Variants in NELL1 observed in about 807,000 individuals in gnomAD.
The protein encoded by NELL1 is neural EGFL like 1.
NELL1 carries 76 observed loss-of-function variants against 107.4 expected under a neutral mutation model. The observed-to-expected ratio is 0.71, with a 90% CI of 0.59 to 0.86. NELL1 has a LOEUF of 0.86. NELL1 is among the 40% of genes least tolerant of loss of function. NELL1 has a pLI of 0.00. For missense variants in NELL1, 1,024 were observed against 1,005.5 expected, an observed-to-expected ratio of 1.02 and a Z score of -0.25; for synonymous variants, 353 against 341.2, an observed-to-expected ratio of 1.03 and a Z score of -0.38.
intron 15 of NELL1, among the ~76,000 whole-genome samples, chr11:21,444,120 A>G (rs1419799922): frequency 6.6e-6 from 1 of 152,168 alleles, no homozygotes; most frequent in African/African-American, 2.4e-5. Flanking sequence ...ATTAAAAATG[A>G]GATTATACTC....
chr11:20,824,069 T>TGG (rs1857819673), intron 3 of NELL1, among the ~76,000 whole-genome samples: 1 of 151,140 alleles, frequency 6.6e-6, no homozygotes, highest in South Asian at 2.1e-4. Context: ...AGGGACCTGG[T>TGG]GGGAGGTGAT....
At chr11:21,002,609 C>T (rs1407197965) in intron 12 of NELL1, among the ~76,000 whole-genome samples, 1 of 152,180 alleles carries the variant, frequency 6.6e-6, no homozygotes, top group East Asian at 1.9e-4. Context: ...TACATTCCAT[C>T]CAACAACAGT....
chr11:20,954,121 T>C (rs1851121372), intron 11 of NELL1, among the ~76,000 whole-genome samples: 1 of 152,232 alleles, frequency 6.6e-6, no homozygotes, highest in Non-Finnish European at 1.5e-5. Flanking sequence ...AAAATGGGGA[T>C]AATAATTCAG....
chr11:21,418,239 C>T (rs563374670), intron 15 of NELL1, among the ~76,000 whole-genome samples: 5 of 152,002 alleles, frequency 3.3e-5, no homozygotes, highest in South Asian at 2.1e-4. Flanking sequence ...ATGAAGCTGT[C>T]GTGCAGATGA....
intron 12 of NELL1, among the ~76,000 whole-genome samples, chr11:21,068,032 CAAAAAAAAAAAAA>C (rs1195285619): frequency 2.5e-5 from 1 of 40,382 alleles, no homozygotes. Context: ...GATGCCATCT[CAAAAAAAAAAAAA>C]AAAAAAAAAA....
chr11:20,809,165 G>T (rs1188408086), intron 3 of NELL1, among the ~76,000 whole-genome samples: 5 of 152,132 alleles, frequency 3.3e-5, no homozygotes, highest in Non-Finnish European at 5.9e-5. Flanking sequence ...TGTTGGTGAA[G>T]TGTTTTTGTT....
At chr11:20,988,269 T>C (rs1465343094) in intron 12 of NELL1, among the ~76,000 whole-genome samples, 1 of 152,136 alleles carries the variant, frequency 6.6e-6, no homozygotes, top group East Asian at 1.9e-4. Flanking sequence ...CAGAATTGAA[T>C]GACCTATCAT....
At chr11:21,279,151 A>G (rs1444919019) in intron 14 of NELL1, among the ~76,000 whole-genome samples, 1 of 152,326 alleles carries the variant, frequency 6.6e-6, no homozygotes, top group Non-Finnish European at 1.5e-5. Flanking sequence ...ATAAATGGTA[A>G]TGAAAATGAA....
intron 14 of NELL1, among the ~76,000 whole-genome samples, chr11:21,299,538 T>C (rs1200991778): frequency 1.3e-5 from 2 of 150,866 alleles, no homozygotes; most frequent in East Asian, 1.9e-4. Context: ...TGTGTGTGTG[T>C]GTGTGTGTGT....
intron 15 of NELL1, among the ~76,000 whole-genome samples, chr11:21,373,492 A>G (rs1384470620): frequency 6.6e-6 from 1 of 152,116 alleles, no homozygotes; most frequent in African/African-American, 2.4e-5. Context: ...TTTGAGCTAT[A>G]TAGAATCCAC....
chr11:21,019,839 G>A (rs1008727087), intron 12 of NELL1, among the ~76,000 whole-genome samples: 1 of 152,070 alleles, frequency 6.6e-6, no homozygotes, highest in African/African-American at 2.4e-5. Flanking sequence ...GCTTAGCTTA[G>A]CCCCTGGGCC....
chr11:21,232,798 G>A (rs1858098390), intron 14 of NELL1, among the ~76,000 whole-genome samples: 1 of 152,072 alleles, frequency 6.6e-6, no homozygotes. Context: ...GGTTGCAGAT[G>A]TGCCCCACCA....
intron 13 of NELL1, among the ~76,000 whole-genome samples, chr11:21,169,396 T>G (rs1264011723): frequency 6.6e-6 from 1 of 151,816 alleles, no homozygotes; most frequent in Non-Finnish European, 1.5e-5. Context: ...GGTAACCATG[T>G]TTCTCATTTT....
intron 13 of NELL1, among the ~76,000 whole-genome samples, chr11:21,179,470 T>A (rs1375735397): frequency 6.6e-6 from 1 of 151,884 alleles, no homozygotes; most frequent in Non-Finnish European, 1.5e-5. Flanking sequence ...GTGAGTTGGC[T>A]AGTGTATTCT....
intron 4 of NELL1, among the ~76,000 whole-genome samples, chr11:20,850,355 G>A (rs1352124787): frequency 6.6e-6 from 1 of 152,174 alleles, no homozygotes; most frequent in Non-Finnish European, 1.5e-5. Context: ...CTCTCACCCA[G>A]TAGTGTTCTG....
At chr11:20,764,163 G>T (rs1815490790) in intron 2 of NELL1, among the ~76,000 whole-genome samples, 1 of 152,142 alleles carries the variant, frequency 6.6e-6, no homozygotes, top group Admixed American at 6.5e-5. Flanking sequence ...TCACATAACA[G>T]CTATCCAGAA....
chr11:21,370,015 A>C (rs1851322019), intron 14 of NELL1, among the ~76,000 whole-genome samples: 1 of 152,122 alleles, frequency 6.6e-6, no homozygotes, highest in East Asian at 1.9e-4. Flanking sequence ...TGGGTCTTAC[A>C]GTTCAGTTGA....
At chr11:20,713,161 G>T (rs1179551326) in intron 2 of NELL1, among the ~76,000 whole-genome samples, 1 of 152,154 alleles carries the variant, frequency 6.6e-6, no homozygotes, top group East Asian at 1.9e-4. Flanking sequence ...ATATAAGCTT[G>T]CCCTAAGTTG....
At chr11:20,727,764 A>T (rs7121379) in intron 2 of NELL1, among the ~76,000 whole-genome samples, 17 of 152,106 alleles carry the variant, frequency 1.1e-4, no homozygotes, top group African/African-American at 3.4e-4. Flanking sequence ...ATCTTGAATT[A>T]ATTTTTGTAT....
Sources: allele counts gnomAD v4.1 joint callset (sites outside exome capture counted in the v4.1 genomes callset), GRCh38; gene constraint gnomAD v4.1.1; transcripts MANE v1.5; gene names NCBI Gene and HGNC (gene_info 2026-07-23, HGNC 2026-07-21).